ARPC1A: variants seen among roughly 807,000 people sequenced by gnomAD.
ARPC1A encodes actin-related protein 2/3 complex subunit 1A.
ARPC1A carries 8 observed loss-of-function variants against 46.9 expected under a neutral mutation model. That is an observed-to-expected ratio of 0.17 (90% CI 0.10 to 0.31). ARPC1A has a LOEUF of 0.31. Ranked by LOEUF, ARPC1A falls within the 10% of genes least tolerant of loss-of-function variation. The pLI, the probability that ARPC1A is intolerant of heterozygous loss-of-function variation, is 1.00. For missense variants in ARPC1A, 286 were observed against 483.6 expected, an observed-to-expected ratio of 0.59 and a Z score of 3.83; for synonymous variants, 152 against 169.0, an observed-to-expected ratio of 0.90 and a Z score of 0.78.
intron 2 of ARPC1A, among the ~76,000 whole-genome samples, chr7:99,334,033 A>G (rs914031299): frequency 9.8e-4 from 117 of 119,264 alleles, no homozygotes; most frequent in African/African-American, 2.4e-3. Flanking sequence ...ACACACACAT[A>G]TATATGTATT....
chr7:99,342,449 G>A (rs1562798410), intron 3 of ARPC1A, among the ~76,000 whole-genome samples: 1 of 151,910 alleles, frequency 6.6e-6, no homozygotes, highest in Non-Finnish European at 1.5e-5. Context: ...GGAGGCTGAG[G>A]TAGGAGGATT....
intron 4 of ARPC1A, among the ~76,000 whole-genome samples, chr7:99,347,232 G>C (rs556618756): frequency 6.6e-6 from 1 of 152,064 alleles, no homozygotes; most frequent in African/African-American, 2.4e-5. Flanking sequence ...ACCACACCTG[G>C]CTAATTTTTT....
intron 8 of ARPC1A, chr7:99,359,963 A>C (rs1358270003): frequency 1.7e-6 from 1 of 588,916 alleles, no homozygotes; most frequent in African/African-American, 1.9e-5. Flanking sequence ...TTCAAGGTGC[A>C]GATTACAAGG....
chr7:99,329,072 A>G lies in ARPC1A; in HGVS notation c.-30+3068A>G, dbSNP rs959094913. Among the ~76,000 whole-genome samples the G allele has an allele frequency of 5.3e-5, 8 of 152,062 alleles. No homozygotes were observed. The East Asian group carries it at 9.7e-4, about 18-fold the overall frequency. On this transcript the variant is annotated intron_variant, in intron 1 of 9. Transcript: ENST00000262942. ...TCCCAGCACTTTGGGAGGCCGAGGCAGGCGGATCACGAGGTCAGGATATCG... is the reference window on the plus strand; with the variant it reads ...TCCCAGCACTTTGGGAGGCCGAGGCGGGCGGATCACGAGGTCAGGATATCG...
At position 99,338,166 on chromosome 7, in the gene ARPC1A, G is replaced by A; in HGVS notation, c.65-15G>A. 1 of 1,578,112 alleles carries A rather than the reference G, an allele frequency of 6.3e-7. No individual in the cohort carries two copies. The highest frequency in any genetic ancestry group is 8.7e-7 in the Non-Finnish European group (1 of 1,148,568). On this transcript the variant is annotated splice_polypyrimidine_tract_variant and intron_variant, in intron 2 of 9. Transcript: ENST00000262942. The stretch of plus-strand genomic sequence containing the variant: ...CAAGTTCAGGTGTTAACTGTTGTTT[G>A]ACTTGTGTCTCCAGAGATTGCCCTC...
chr7:99,340,819 C>T (rs373144306), intron 3 of ARPC1A, among the ~76,000 whole-genome samples: 77 of 152,272 alleles, frequency 5.1e-4, no homozygotes, highest in African/African-American at 1.8e-3. Context: ...GCCACCCTTG[C>T]TTTGACCAGT....
rs200912724 is a variant in ARPC1A, at chr7:99,348,840, C to T, written c.393-12C>T. On this transcript the variant is annotated splice_polypyrimidine_tract_variant and intron_variant, in intron 4 of 9. Transcript: ENST00000262942. Reference sequence around the variant, plus strand: ...TGAGTGGATAAACTGAAACAGTTTTCCCCTCTCATAGGTGGGTGAGCAAGC... The same window carrying T: ...TGAGTGGATAAACTGAAACAGTTTTTCCCTCTCATAGGTGGGTGAGCAAGC... The T allele has an allele frequency of 4.4e-5, 71 of 1,609,254 alleles. No homozygotes were observed. The African/African-American group carries it at 8.4e-4, about 19-fold the overall frequency.
intron 7 of ARPC1A, 137 bp from the exon 8 acceptor site, chr7:99,359,408 C>T (rs1478922855): frequency 2.3e-6 from 2 of 874,360 alleles, no homozygotes; most frequent in Non-Finnish European, 3.5e-6. Flanking sequence ...TGCACTCTAG[C>T]CAGGGCAACA....
At chr7:99,357,466 G>T (rs553871613) in intron 6 of ARPC1A, among the ~76,000 whole-genome samples, 1 of 151,282 alleles carries the variant, frequency 6.6e-6, no homozygotes, top group South Asian at 2.1e-4. Context: ...AGCCACAGAC[G>T]TGCACCACCA....
rs749230685 is a variant in ARPC1A, at chr7:99,359,634, C to T, written c.879C>T (p.Ile293=). ...VSKLDIPKQS[I]QRNMSAMERF... Reference sequence around the variant, plus strand: ...AGTTAGATATTCCAAAACAGAGCATCCAACGCAACATGTCTGCCATGGAAC... The same window carrying T: ...AGTTAGATATTCCAAAACAGAGCATTCAACGCAACATGTCTGCCATGGAAC... Residue 293 remains isoleucine (I), a synonymous_variant, in exon 8 of 10, where the codon ATC becomes ATT. Transcript: ENST00000262942. The T allele has an allele frequency of 6.2e-7, 1 of 1,614,124 alleles. No individual in the cohort carries two copies. Among genetic ancestry groups the T allele is most frequent in the Admixed American group, 1.7e-5 (1 of 59,994 alleles).
intron 6 of ARPC1A, 57 bp from the exon 7 acceptor site, chr7:99,358,283 C>G: frequency 3.3e-6 from 5 of 1,537,160 alleles, no homozygotes; most frequent in Non-Finnish European, 4.5e-6. Context: ...TCATCTGTGT[C>G]TGTAAAGAAG....
intron 2 of ARPC1A, 110 bp downstream of exon 2, chr7:99,333,527 A>G (rs1463939790): frequency 4.4e-6 from 4 of 903,302 alleles, no homozygotes; most frequent in Admixed American, 2.6e-5. Flanking sequence ...AAGAACATAC[A>G]TCTATTATAT....
intron 1 of ARPC1A, among the ~76,000 whole-genome samples, chr7:99,326,245 G>GC (rs1009346220): frequency 1.7e-4 from 26 of 152,286 alleles, no homozygotes; most frequent in African/African-American, 6.3e-4. Context: ...CGAATTAACG[G>GC]CCCCTTCTGC....
intron 6 of ARPC1A, among the ~76,000 whole-genome samples, chr7:99,355,710 C>T (rs781453034): frequency 2.0e-5 from 3 of 151,950 alleles, no homozygotes; most frequent in Admixed American, 6.6e-5. Context: ...TGCCATTGCA[C>T]TCCAGCCTGG....
Position 99,340,144 on chromosome 7 carries a change from CTGTTTT to C in ARPC1A, c.169+1865_169+1870del, listed in dbSNP as rs904081695. Reference sequence around the variant, plus strand: ...TTTTCATTGAGTTTTTGTCTTTTTTCTGTTTTTGTTTGTTTGTTTGTTTGTTTGTTT... The same window carrying C: ...TTTTCATTGAGTTTTTGTCTTTTTTCTGTTTGTTTGTTTGTTTGTTTGTTT... On this transcript the variant is annotated intron_variant, in intron 3 of 9. Coordinates refer to ENST00000262942, the MANE Select transcript of ARPC1A (RefSeq NM_006409.4). 8 of 395,618 alleles carry C rather than the reference CTGTTTT, an allele frequency of 2.0e-5. No individual in the cohort carries two copies. The Admixed American group carries it at 2.2e-4, about 11-fold the overall frequency. 24.5% of individuals were successfully genotyped at this position (395,618 alleles called of 1,614,324 possible). A position where few individuals can be genotyped will look rare whatever the true frequency, so the allele number is the denominator to read the frequency against.
chr7:99,363,782 C>G, intron 9 of ARPC1A, 149 bp downstream of exon 9: 2 of 610,488 alleles, frequency 3.3e-6, no homozygotes. Context: ...TCCAGCAGCC[C>G]TCCCACCTCA....
intron 8 of ARPC1A, among the ~76,000 whole-genome samples, chr7:99,362,047 C>T (rs775821796): frequency 7.9e-5 from 12 of 152,096 alleles, no homozygotes; most frequent in Non-Finnish European, 1.6e-4. Context: ...GTAATCCCAG[C>T]ACTTTGGGAG....
At chr7:99,330,006 A>G (rs1793118399) in intron 1 of ARPC1A, among the ~76,000 whole-genome samples, 1 of 152,128 alleles carries the variant, frequency 6.6e-6, no homozygotes, top group African/African-American at 2.4e-5. Flanking sequence ...ATTTGGAGTG[A>G]GCATCTGATA....
chr7:99,365,940 G>A lies in ARPC1A; in HGVS notation c.*11G>A, dbSNP rs1348031637. On this transcript the variant is annotated 3_prime_UTR_variant, in exon 10 of 10. Transcript: ENST00000262942. ...CTCCGGATAATGTGAAGCTGAGTGAGCCTCCGCCATCCAGCATGACAAACT... is the reference window on the plus strand; with the variant it reads ...CTCCGGATAATGTGAAGCTGAGTGAACCTCCGCCATCCAGCATGACAAACT... 5 of 1,568,034 alleles carry A rather than the reference G, an allele frequency of 3.2e-6. No homozygotes were observed. The highest frequency in any genetic ancestry group is 1.3e-5 in the African/African-American group (1 of 74,140).
Sources: gnomAD v4.1 joint callset for allele counts (sites outside exome capture counted in the v4.1 genomes callset) on GRCh38, gnomAD v4.1.1 for gene constraint, MANE v1.5 for transcripts, NCBI Gene and HGNC (gene_info 2026-07-23, HGNC 2026-07-21) for gene names.